The following JAK2 variants were observed in gnomAD, a reference collection of about 807,000 sequenced individuals.
JAK2 encodes the protein tyrosine-protein kinase JAK2.
A neutral mutation model predicts 139.3 loss-of-function variants in JAK2; 86 were observed. The observed-to-expected ratio is 0.62, with a 90% CI of 0.52 to 0.74. The LOEUF is 0.74. JAK2 is among the 30% of genes least tolerant of loss of function. JAK2 has a pLI of 0.00. For synonymous variants in JAK2, 490 were observed against 437.7 expected (o/e 1.12, Z -1.49); for missense variants, 1,421 against 1,360.3 (o/e 1.04, Z -0.70).
intron 4 of JAK2, among the ~76,000 whole-genome samples, chr9:5,034,067 CA>C (rs569774883): frequency 6.6e-6 from 1 of 151,394 alleles, no homozygotes; most frequent in Non-Finnish European, 1.5e-5. Flanking sequence ...AAACGGAAAA[CA>C]AAAAAAGGCA....
At chr9:5,045,983 C>T (rs982095638) in intron 5 of JAK2, among the ~76,000 whole-genome samples, 1 of 152,040 alleles carries the variant, frequency 6.6e-6, no homozygotes, top group African/African-American at 2.4e-5. Context: ...GTAGTGGCTG[C>T]ACTATTTTTC....
At chr9:5,102,556 T>C (rs143069695) in intron 22 of JAK2, among the ~76,000 whole-genome samples, 3 of 151,856 alleles carry the variant, frequency 2.0e-5, no homozygotes, top group Non-Finnish European at 4.4e-5. Context: ...ACAAAGATAC[T>C]CCTCGAGAAG....
chr9:4,989,665 T>C (rs1820139630), intron 2 of JAK2, among the ~76,000 whole-genome samples: 2 of 152,164 alleles, frequency 1.3e-5, no homozygotes. Context: ...AGCTAAATAA[T>C]AAAAGTTACA....
intron 2 of JAK2, among the ~76,000 whole-genome samples, chr9:4,992,961 C>G (rs549897316): frequency 1.3e-5 from 2 of 152,248 alleles, no homozygotes; most frequent in African/African-American, 4.8e-5. Flanking sequence ...TTATCTCCCC[C>G]ACCCCTGCAC....
intron 22 of JAK2, 71 bp downstream of exon 22, chr9:5,090,982 A>T: frequency 8.9e-7 from 1 of 1,120,280 alleles, no homozygotes; most frequent in Non-Finnish European, 1.3e-6. Flanking sequence ...GTTATTTAAT[A>T]GTTTGCCATT....
intron 8 of JAK2, among the ~76,000 whole-genome samples, chr9:5,056,793 G>C (rs1409006851): frequency 2.0e-5 from 3 of 152,126 alleles, no homozygotes; most frequent in African/African-American, 7.2e-5. Context: ...TGAACAAACT[G>C]TAGTAACCCA....
At chr9:5,020,388 T>A (rs1822337817) in intron 2 of JAK2, among the ~76,000 whole-genome samples, 2 of 152,028 alleles carry the variant, frequency 1.3e-5, no homozygotes, top group Non-Finnish European at 2.9e-5. Flanking sequence ...CTGGGCAGGG[T>A]GAGAGTATCC....
intron 14 of JAK2, among the ~76,000 whole-genome samples, chr9:5,074,859 A>G (rs1819204973): frequency 6.6e-6 from 1 of 152,202 alleles, no homozygotes; most frequent in African/African-American, 2.4e-5. Context: ...GCATGCTGAA[A>G]GCCAAGACAA....
chr9:4,994,052 T>C (rs60763646), intron 2 of JAK2, among the ~76,000 whole-genome samples: 33,149 of 152,144 alleles, frequency 0.22, 3,923 homozygotes, highest in Middle Eastern at 0.35. Context: ...CACTCGTGAC[T>C]GAACTGAATT....
intron 4 of JAK2, among the ~76,000 whole-genome samples, chr9:5,040,232 G>T (rs1816381281): frequency 6.6e-6 from 1 of 151,882 alleles, no homozygotes; most frequent in South Asian, 2.1e-4. Flanking sequence ...AACAGTGCGG[G>T]GACAACTGGA....
At chr9:5,115,072 A>G (rs1191272266) in intron 22 of JAK2, among the ~76,000 whole-genome samples, 1 of 152,224 alleles carries the variant, frequency 6.6e-6, no homozygotes. Context: ...GACAGATGGG[A>G]TCTAATTAAA....
Position 5,022,065 on chromosome 9 carries a change from T to C in JAK2, c.78T>C (p.Ser26=), listed in dbSNP as rs772519132. The change falls in exon 3 of 25, where the codon TCT becomes TCC. Residue 26 remains serine (S), a synonymous_variant. Transcript: ENST00000381652. ...TSSIYQNGDI[S]GNANSMKQID... ...CTATATATCAGAATGGTGATATTTC[T>C]GGAAATGCCAATTCTATGAAGCAAA... 1.1e-5 allele frequency: 17 copies of C among 1,614,018 alleles called. No individual in the cohort carries two copies. The highest frequency in any genetic ancestry group is 1.7e-5 in the Admixed American group (1 of 60,008).
chr9:5,004,387 T>C (rs1354792441), intron 2 of JAK2, among the ~76,000 whole-genome samples: 4 of 152,228 alleles, frequency 2.6e-5, no homozygotes, highest in Non-Finnish European at 5.9e-5. Flanking sequence ...TCATACAGTT[T>C]TGTCTTTCTG....
chr9:5,015,840 T>G (rs1244017288), intron 2 of JAK2, among the ~76,000 whole-genome samples: 3 of 152,220 alleles, frequency 2.0e-5, no homozygotes, highest in African/African-American at 7.2e-5. Context: ...GGCAGTGTGA[T>G]TTCCAGTTAC....
chr9:5,028,276 A>G (rs1013788880), intron 3 of JAK2, among the ~76,000 whole-genome samples: 5 of 152,212 alleles, frequency 3.3e-5, no homozygotes, highest in African/African-American at 9.6e-5. Flanking sequence ...TGCATTGTCA[A>G]TGAGTAATAA....
intron 22 of JAK2, among the ~76,000 whole-genome samples, chr9:5,091,898 C>G (rs1245313857): frequency 6.6e-6 from 1 of 151,998 alleles, no homozygotes; most frequent in African/African-American, 2.4e-5. Flanking sequence ...GGTGGTTACA[C>G]CTAGGGCTGT....
chr9:5,080,570 C>T lies in JAK2; in HGVS notation c.2321C>T (p.Ala774Val), dbSNP rs1409981867. The change falls in exon 18 of 25, where the codon GCA becomes GTA. Residue 774 changes from alanine to valine, a missense_variant. Physicochemically the swap from Ala to Val is moderately conservative, Grantham distance 64. Coordinates refer to ENST00000381652, the MANE Select transcript of JAK2 (RefSeq NM_004972.4). The stretch of plus-strand genomic sequence containing the variant: ...TATGAAGATAGGCATCAGCTTCCTG[C>T]ACCAAAGTGGGCAGAATTAGCAAAC... The part of the protein sequence containing the change: ...QFYEDRHQLP[A>V]PKWAELANLI... 1.2e-6 allele frequency: 2 copies of T among 1,600,112 alleles called. No individual in the cohort carries two copies. The highest frequency in any genetic ancestry group is 3.5e-5 in the Admixed American group (2 of 56,556).
intron 5 of JAK2, among the ~76,000 whole-genome samples, chr9:5,047,776 G>A (rs923538248): frequency 4.6e-5 from 7 of 151,690 alleles, no homozygotes; most frequent in Admixed American, 4.6e-4. Flanking sequence ...TTTTAGTTTT[G>A]GTTTTGTGGA....
At chr9:5,059,637 G>A (rs1323780103) in intron 8 of JAK2, among the ~76,000 whole-genome samples, 2 of 151,976 alleles carry the variant, frequency 1.3e-5, no homozygotes, top group Non-Finnish European at 2.9e-5. Context: ...ACAATTTTTT[G>A]TAGTTCTATC....
Sources: allele counts gnomAD v4.1 joint callset (sites outside exome capture counted in the v4.1 genomes callset), GRCh38; gene constraint gnomAD v4.1.1; transcripts MANE v1.5; gene names NCBI Gene and HGNC (gene_info 2026-07-23, HGNC 2026-07-21).